The following CHCHD6 variants were observed in gnomAD, a reference collection of about 807,000 sequenced individuals.
CHCHD6 encodes coiled-coil-helix-coiled-coil-helix domain containing 6.
In CHCHD6, 28 loss-of-function variants were observed where a neutral mutation model predicts 32.3. The observed-to-expected ratio is 0.87, with a 90% CI of 0.64 to 1.19. The LOEUF (loss-of-function observed/expected upper bound fraction) is 1.19, where lower values mean the gene tolerates loss of function less well. Ranked by LOEUF, CHCHD6 falls within the 50% of genes most tolerant of loss-of-function variation. The probability of loss-of-function intolerance (pLI) is 0.00; values close to 1 mark genes in which losing one functional copy is unlikely to be tolerated. For synonymous variants in CHCHD6, 122 were observed against 117.5 expected, an observed-to-expected ratio of 1.04 and a Z score of -0.25; for missense variants, 333 against 307.0, an observed-to-expected ratio of 1.08 and a Z score of -0.63.
chr3:126,820,973 C>A (rs1408474513), intron 4 of CHCHD6, among the ~76,000 whole-genome samples: 2 of 152,126 alleles, frequency 1.3e-5, no homozygotes, highest in African/African-American at 4.8e-5. Flanking sequence ...AGCAGTAATT[C>A]CCCCTCACCC....
chr3:126,772,283 A>G lies in CHCHD6; in HGVS notation c.411+39061A>G, dbSNP rs1937557225. 2.0e-5 allele frequency among the ~76,000 whole-genome samples: 3 copies of G among 152,110 alleles called. No individual in the cohort carries two copies. In the South Asian group the frequency reaches 6.2e-4, roughly 32 times the overall value. ...CGCCTGGCTGATTTTTTGTATTTTT[A>G]GTAGAGGCAGGGTTTCACCATGTTA... On this transcript the variant is annotated intron_variant, in intron 4 of 7. Coordinates refer to ENST00000290913, the MANE Select transcript of CHCHD6 (RefSeq NM_032343.3).
chr3:126,959,753 C>G (rs2107611964), intron 7 of CHCHD6, among the ~76,000 whole-genome samples: 1 of 152,352 alleles, frequency 6.6e-6, no homozygotes, highest in Non-Finnish European at 1.5e-5. Flanking sequence ...CCACAGGACC[C>G]TGACTGTGCG....
At chr3:126,891,773 A>G (rs1462693807) in intron 5 of CHCHD6, among the ~76,000 whole-genome samples, 3 of 152,130 alleles carry the variant, frequency 2.0e-5, no homozygotes, top group Non-Finnish European at 2.9e-5. Flanking sequence ...GGGGTTAAGT[A>G]AGACAGAGCT....
chr3:126,946,073 G>A (rs780117728), intron 6 of CHCHD6, among the ~76,000 whole-genome samples: 2 of 152,082 alleles, frequency 1.3e-5, no homozygotes, highest in African/African-American at 2.4e-5. Context: ...CACAGAGCAG[G>A]GTTGGGGCAG....
intron 4 of CHCHD6, among the ~76,000 whole-genome samples, chr3:126,836,652 A>G (rs1940873772): frequency 6.6e-6 from 1 of 152,218 alleles, no homozygotes; most frequent in Non-Finnish European, 1.5e-5. Context: ...CAGTGGGGAC[A>G]CTGACCGGGA....
intron 5 of CHCHD6, among the ~76,000 whole-genome samples, chr3:126,868,675 C>T (rs902751190): frequency 1.3e-5 from 2 of 152,118 alleles, no homozygotes; most frequent in African/African-American, 4.8e-5. Flanking sequence ...CCATGCATGC[C>T]ATTTGGTAAC....
intron 4 of CHCHD6, among the ~76,000 whole-genome samples, chr3:126,735,775 GTCC>G (rs1936017463): frequency 6.6e-6 from 1 of 152,160 alleles, no homozygotes; most frequent in African/African-American, 2.4e-5. Context: ...TTTCTGTCTG[GTCC>G]TCCTGCCTTC....
intron 4 of CHCHD6, among the ~76,000 whole-genome samples, chr3:126,737,048 C>T (rs185637686): frequency 1.2e-3 from 176 of 152,142 alleles, no homozygotes; most frequent in East Asian, 3.5e-3. Context: ...TGGCTGGGCG[C>T]GGTGGCTCAC....
intron 4 of CHCHD6, among the ~76,000 whole-genome samples, chr3:126,791,109 G>T (rs1315787715): frequency 2.0e-5 from 3 of 152,210 alleles, no homozygotes; most frequent in African/African-American, 7.2e-5. Context: ...GTTTGCCTGG[G>T]TGTCAGCAGT....
chr3:126,749,500 C>T (rs1936640352), intron 4 of CHCHD6, among the ~76,000 whole-genome samples: 1 of 152,198 alleles, frequency 6.6e-6, no homozygotes, highest in Admixed American at 6.5e-5. Context: ...TCTGGCCTCC[C>T]TACCTCTGGG....
At chr3:126,770,586 A>G (rs1227054539) in intron 4 of CHCHD6, among the ~76,000 whole-genome samples, 1 of 152,224 alleles carries the variant, frequency 6.6e-6, no homozygotes, top group Non-Finnish European at 1.5e-5. Flanking sequence ...TGAGATGGTC[A>G]TGTGGTTTTG....
At chr3:126,910,980 A>G (rs971217693) in intron 5 of CHCHD6, among the ~76,000 whole-genome samples, 3 of 152,214 alleles carry the variant, frequency 2.0e-5, no homozygotes, top group Non-Finnish European at 4.4e-5. Flanking sequence ...CAAGAGGCTC[A>G]GTATTCACCA....
intron 1 of CHCHD6, 91 bp downstream of exon 1, chr3:126,704,490 A>G: frequency 1.3e-6 from 1 of 788,202 alleles, no homozygotes; most frequent in South Asian, 2.5e-5. Context: ...GGCTCTTTCC[A>G]CGCGTGAGGG....
At chr3:126,747,466 A>G (rs572764150) in intron 4 of CHCHD6, among the ~76,000 whole-genome samples, 2 of 152,320 alleles carry the variant, frequency 1.3e-5, no homozygotes, top group Admixed American at 6.5e-5. Flanking sequence ...GTAAGCTCTC[A>G]ACAGAAATTA....
chr3:126,848,011 ACT>A (rs1334857304), intron 4 of CHCHD6, among the ~76,000 whole-genome samples: 1 of 152,016 alleles, frequency 6.6e-6, no homozygotes, highest in Non-Finnish European at 1.5e-5. Flanking sequence ...ACAGAGTCTT[ACT>A]CTCTTCTCCA....
At chr3:126,707,437 G>A (rs555370966) in intron 1 of CHCHD6, among the ~76,000 whole-genome samples, 4 of 152,300 alleles carry the variant, frequency 2.6e-5, no homozygotes, top group Admixed American at 1.3e-4. Flanking sequence ...TGTGAAATAC[G>A]TAAAGATTTT....
At chr3:126,883,869 G>A (rs931366995) in intron 5 of CHCHD6, among the ~76,000 whole-genome samples, 2 of 152,128 alleles carry the variant, frequency 1.3e-5, no homozygotes, top group Non-Finnish European at 2.9e-5. Flanking sequence ...CCAAACATCA[G>A]GCTTATGTTA....
intron 6 of CHCHD6, among the ~76,000 whole-genome samples, chr3:126,920,282 ATTAG>A (rs1434327867): frequency 2.1e-5 from 3 of 145,956 alleles, no homozygotes; most frequent in Non-Finnish European, 4.5e-5. Context: ...TCTTGAACAT[ATTAG>A]TTACAGTTAT....
At chr3:126,831,391 T>A (rs965621890) in intron 4 of CHCHD6, among the ~76,000 whole-genome samples, 7 of 152,158 alleles carry the variant, frequency 4.6e-5, no homozygotes, top group Non-Finnish European at 8.8e-5. Context: ...TCTAAGGCAG[T>A]GTTGGGCAAG....
Sources: gnomAD v4.1 joint callset for allele counts (sites outside exome capture counted in the v4.1 genomes callset) on GRCh38, gnomAD v4.1.1 for gene constraint, MANE v1.5 for transcripts, NCBI Gene and HGNC (gene_info 2026-07-23, HGNC 2026-07-21) for gene names.